Variants in ATP6V0D1 observed in about 807,000 individuals in gnomAD.
ATP6V0D1 encodes V-type proton ATPase subunit d 1.
ATP6V0D1 carries 13 observed loss-of-function variants against 39.0 expected under a neutral mutation model. The ratio of observed to expected loss-of-function variants is 0.33; its 90% CI spans 0.22 to 0.53. The LOEUF is 0.53. ATP6V0D1 is among the 20% of genes least tolerant of loss of function. ATP6V0D1 has a pLI of 0.94. For synonymous variants in ATP6V0D1, 191 were observed against 191.2 expected (o/e 1.00, Z 0.01); for missense variants, 272 against 470.9 (o/e 0.58, Z 3.91).
In ATP6V0D1 at chr16:67,443,175, G is replaced by A. The variant is rs2041073814; in HGVS notation, c.485C>T (p.Ala162Val). ...CTCTGAAATGCAGTCCTGGAAAAAA[G>A]CCGCTGGGGAGGAAACATGGTTTGA... is the stretch of plus-strand genomic sequence containing the variant. ...NAILVDTPLA[A>V]FFQDCISEQD... Residue 162 changes from alanine to valine, a missense_variant, in exon 4 of 8, where the codon GCT becomes GTT. This residue lies in a region of ATP6V0D1 where 135 missense variants were observed against 273.8 expected (regional missense o/e 0.49). Coordinates refer to ENST00000290949, the MANE Select transcript of ATP6V0D1 (RefSeq NM_004691.5). 1 of 1,613,962 alleles carries A rather than the reference G, an allele frequency of 6.2e-7. No homozygotes were observed. Among genetic ancestry groups the A allele is most frequent in the Non-Finnish European group, 8.5e-7 (1 of 1,179,972 alleles).
chr16:67,463,738 A>C (rs2041307549), intron 1 of ATP6V0D1, among the ~76,000 whole-genome samples: 1 of 152,264 alleles, frequency 6.6e-6, no homozygotes, highest in African/African-American at 2.4e-5. Context: ...AAGCTGGTCC[A>C]GTACAGCACC....
chr16:67,480,926 T>C, intron 1 of ATP6V0D1, 31 bp downstream of exon 1: 1 of 1,612,476 alleles, frequency 6.2e-7, no homozygotes, highest in Non-Finnish European at 8.5e-7. Flanking sequence ...CCGGACAGCC[T>C]CTATCCCCGC....
At chr16:67,443,050 G>T (rs769345884) in intron 4 of ATP6V0D1, 49 bp downstream of exon 4, 1 of 1,593,376 alleles carries the variant, frequency 6.3e-7, no homozygotes, top group East Asian at 2.2e-5. Context: ...ACTTCCCACA[G>T]CCCCACCCAC....
chr16:67,465,191 A>C (rs2142326131), intron 1 of ATP6V0D1, among the ~76,000 whole-genome samples: 1 of 152,334 alleles, frequency 6.6e-6, no homozygotes. Flanking sequence ...AGAGGCCTCC[A>C]AACTGGGGTA....
At chr16:67,480,551 G>T (rs972230878) in intron 1 of ATP6V0D1, among the ~76,000 whole-genome samples, 1 of 152,090 alleles carries the variant, frequency 6.6e-6, no homozygotes, top group African/African-American at 2.4e-5. Flanking sequence ...TTGGCGGGGG[G>T]AGGGGGAAGA....
In ATP6V0D1 at chr16:67,453,576, A is replaced by G. The variant is rs144228103; in HGVS notation, c.270T>C (p.Tyr90=). The G allele has an allele frequency of 1.6e-5, 26 of 1,613,672 alleles. 1 individual carries two copies. The African/African-American group carries it at 2.1e-4, about 13-fold the overall frequency. The change falls in exon 2 of 8, where the codon TAT becomes TAC. Residue 90 remains tyrosine (Y), a synonymous_variant. Transcript: ENST00000290949. The surrounding 1 kb of genome is among the most constrained non-coding windows in gnomAD (Gnocchi z 4.1). ...AGTCTAGGAAGCTGGCGAGTGGCTC[A>G]TAGGCATGGTTCCTCATGTGGCGGA... The part of the protein sequence containing the change: ...VEFRHMRNHA[Y]EPLASFLDFI...
rs1486768219 is a variant in ATP6V0D1 at position 67,438,230 on chromosome 16, G to A, written c.*298C>T. The A allele has an allele frequency of 9.9e-6, 4 of 404,694 alleles. No individual in the cohort carries two copies. The highest frequency in any genetic ancestry group is 4.1e-5 in the African/African-American group (2 of 49,034). The allele number at this position is 404,694 out of a possible 1,614,324, so 25.1% of individuals were successfully genotyped here. A position where few individuals can be genotyped will look rare whatever the true frequency, so the allele number is the denominator to read the frequency against. On this transcript the variant is annotated 3_prime_UTR_variant, in exon 8 of 8. Transcript: ENST00000290949. ...CAGGGAGTTAGGGAGGAACATGAAA[G>A]TGACATGCTTCTTAGATACATCAGC...
rs1191157245 is a variant in ATP6V0D1, at chr16:67,456,793, C to G, written c.131-3078G>C. 1.3e-5 allele frequency: 2 copies of G among 152,406 alleles called. No homozygotes were observed. Among genetic ancestry groups the G allele is most frequent in the Non-Finnish European group, 2.9e-5 (2 of 68,168 alleles). The allele number at this position is 152,406 out of a possible 1,614,324, so 9.4% of individuals were successfully genotyped here. ...CCAGTGACTCCACTATTCCCTGGGACTGGGAGTCTGGACCCCGGTCTGGCC... is the reference window on the plus strand; with the variant it reads ...CCAGTGACTCCACTATTCCCTGGGAGTGGGAGTCTGGACCCCGGTCTGGCC... On this transcript the variant is annotated intron_variant, in intron 1 of 7. Coordinates refer to ENST00000290949, the MANE Select transcript of ATP6V0D1 (RefSeq NM_004691.5). The surrounding 1 kb of genome is among the most constrained non-coding windows in gnomAD (Gnocchi z 4.1).
chr16:67,462,340 T>C (rs1246414471), intron 1 of ATP6V0D1, among the ~76,000 whole-genome samples: 1 of 152,216 alleles, frequency 6.6e-6, no homozygotes, highest in African/African-American at 2.4e-5. Context: ...GCAAGCTATT[T>C]CTTCTCCAGG....
At chr16:67,452,358 T>C in intron 2 of ATP6V0D1, 1 of 1,535,728 alleles carries the variant, frequency 6.5e-7, no homozygotes, top group Non-Finnish European at 8.7e-7. Context: ...CTCTGACTCC[T>C]GCCTGAGAAT....
intron 1 of ATP6V0D1, among the ~76,000 whole-genome samples, chr16:67,467,030 T>C (rs1396146587): frequency 6.6e-6 from 1 of 152,206 alleles, no homozygotes; most frequent in African/African-American, 2.4e-5. Context: ...AAGTCTCCAA[T>C]TCCCTTTATC....
chr16:67,452,362 T>C, intron 2 of ATP6V0D1: 1 of 1,535,696 alleles, frequency 6.5e-7, no homozygotes. Flanking sequence ...GACTCCTGCC[T>C]GAGAATGGAG....
Position 67,481,100 on chromosome 16 carries a change from G to GCGGCGGGAC in ATP6V0D1, c.-23_-15dup, listed in dbSNP as rs752368418. The GCGGCGGGAC allele has an allele frequency of 6.2e-7, 1 of 1,613,790 alleles. No homozygotes were observed. The highest frequency in any genetic ancestry group is 1.1e-5 in the South Asian group (1 of 91,074). ...GAAGAACGACATGGCTGCTGCGGGA[G>GCGGCGGGAC]CGGCGGGACCGGAGAACCAGGACCG... On this transcript the variant is annotated 5_prime_UTR_variant, in exon 1 of 8. Coordinates refer to ENST00000290949, the MANE Select transcript of ATP6V0D1 (RefSeq NM_004691.5).
At chr16:67,446,751 C>T (rs576343169) in intron 2 of ATP6V0D1, among the ~76,000 whole-genome samples, 1 of 152,174 alleles carries the variant, frequency 6.6e-6, no homozygotes, top group Non-Finnish European at 1.5e-5. Context: ...CTCCCTGAGA[C>T]AGTCACAAAT....
intron 1 of ATP6V0D1, among the ~76,000 whole-genome samples, chr16:67,476,046 A>G (rs2041411932): frequency 6.6e-6 from 1 of 152,144 alleles, no homozygotes; most frequent in Non-Finnish European, 1.5e-5. Flanking sequence ...CCTGGCTAAC[A>G]TGGTGTAACC....
chr16:67,444,815 T>A lies in ATP6V0D1; in HGVS notation c.303-109A>T. 9.7e-7 allele frequency: 1 copy of A among 1,029,882 alleles called. No homozygotes were observed. The highest frequency in any genetic ancestry group is 1.4e-6 in the Non-Finnish European group (1 of 729,960). The allele number at this position is 1,029,882 out of a possible 1,614,324, so 63.8% of individuals were successfully genotyped here. On this transcript the variant is annotated intron_variant, in intron 2 of 7. Coordinates refer to ENST00000290949, the MANE Select transcript of ATP6V0D1 (RefSeq NM_004691.5). The surrounding 1 kb of genome is among the most constrained non-coding windows in gnomAD (Gnocchi z 4.8). ...CACAGGCCATCACCCCTTAACAATG[T>A]ATGCTGACTCATGGGTGCTGCGGAT...
Position 67,453,457 on chromosome 16 carries a change from G to A in ATP6V0D1, c.302+87C>T. 3.3e-6 allele frequency: 5 copies of A among 1,507,164 alleles called. No homozygotes were observed. The highest frequency in any genetic ancestry group is 3.6e-5 in the Admixed American group (2 of 55,138). The allele number at this position is 1,507,164 out of a possible 1,614,324, so 93.4% of individuals were successfully genotyped here. A position where few individuals can be genotyped will look rare whatever the true frequency, so the allele number is the denominator to read the frequency against. The stretch of plus-strand genomic sequence containing the variant: ...GACAGCTGACACAGGCACGAAGGCA[G>A]CTAGCCTAAGCCACACTGAACCCAG... On this transcript the variant is annotated intron_variant, in intron 2 of 7. Transcript: ENST00000290949. The surrounding 1 kb of genome is among the most constrained non-coding windows in gnomAD (Gnocchi z 4.1).
intron 1 of ATP6V0D1, among the ~76,000 whole-genome samples, chr16:67,470,229 C>T (rs1279893018): frequency 1.3e-5 from 2 of 152,074 alleles, no homozygotes; most frequent in East Asian, 3.8e-4. Context: ...CAGGGTCGCA[C>T]GGTATATACA....
At chr16:67,471,557 T>C (rs767208458) in intron 1 of ATP6V0D1, among the ~76,000 whole-genome samples, 8 of 152,168 alleles carry the variant, frequency 5.3e-5, no homozygotes, top group Non-Finnish European at 1.0e-4. Flanking sequence ...TATAATGAAT[T>C]ATTGTTAAAT....
Sources: gnomAD v4.1 joint callset for allele counts (sites outside exome capture counted in the v4.1 genomes callset) on GRCh38, gnomAD v4.1.1 for gene constraint, gnomAD v4.1.1 regional missense constraint, Gnocchi (gnomAD v3.1) non-coding constraint, MANE v1.5 for transcripts, NCBI Gene and HGNC (gene_info 2026-07-23, HGNC 2026-07-21) for gene names.